The following ANO10 variants were observed in gnomAD, a reference collection of about 807,000 sequenced individuals.
ANO10 encodes the protein anoctamin 10.
ANO10 carries 77 observed loss-of-function variants against 74.7 expected under a neutral mutation model. The observed-to-expected ratio is 1.03, with a 90% CI of 0.86 to 1.25. The LOEUF is 1.25. Ranked by LOEUF, ANO10 falls within the 50% of genes most tolerant of loss-of-function variation. ANO10 has a pLI of 0.00. For missense variants in ANO10, 721 were observed against 778.1 expected (o/e 0.93, Z 0.87); for synonymous variants, 279 against 284.9 (o/e 0.98, Z 0.21).
At chr3:43,458,285 C>T (rs182702230) in intron 11 of ANO10, among the ~76,000 whole-genome samples, 28 of 152,254 alleles carry the variant, frequency 1.8e-4, no homozygotes, top group Admixed American at 3.9e-4. Flanking sequence ...TAGCACCCCA[C>T]AGATGAATCT....
At chr3:43,463,044 C>T (rs771370327) in intron 11 of ANO10, among the ~76,000 whole-genome samples, 28 of 152,122 alleles carry the variant, frequency 1.8e-4, no homozygotes, top group Non-Finnish European at 3.2e-4. Flanking sequence ...GCTGCAGGGG[C>T]GGGGCTCTCA....
At chr3:43,495,954 G>T (rs1287445520) in intron 11 of ANO10, among the ~76,000 whole-genome samples, 1 of 152,030 alleles carries the variant, frequency 6.6e-6, no homozygotes, top group Non-Finnish European at 1.5e-5. Flanking sequence ...GACCACCTTG[G>T]CCTCCCAAAG....
intron 12 of ANO10, among the ~76,000 whole-genome samples, chr3:43,399,849 C>T (rs531829059): frequency 6.6e-6 from 1 of 152,102 alleles, no homozygotes; most frequent in Admixed American, 6.6e-5. Flanking sequence ...CATGGAAGTC[C>T]AGAATAACTT....
intron 12 of ANO10, among the ~76,000 whole-genome samples, chr3:43,414,966 GCTTT>G (rs1386109967): frequency 5.7e-5 from 5 of 87,090 alleles, no homozygotes; most frequent in African/African-American, 1.2e-4. Context: ...CTGTCATTGT[GCTTT>G]TTTTTTTTTT....
rs2083557497 is a variant in ANO10, at chr3:43,632,351, G to A, written c.-11-26488C>T. Among the ~76,000 whole-genome samples, 9 of 152,334 alleles carry A rather than the reference G, an allele frequency of 5.9e-5. No individual in the cohort carries two copies. In the South Asian group the frequency reaches 1.2e-3, roughly 21 times the overall value. ...AGACTAGAGAGAGGTAAGAGAGTGAGGTCAGAGTATTTGTTCCTTGGCTAC... is the reference window on the plus strand; with the variant it reads ...AGACTAGAGAGAGGTAAGAGAGTGAAGTCAGAGTATTTGTTCCTTGGCTAC... On this transcript the variant is annotated intron_variant, in intron 1 of 3. Transcript: ENST00000413397.
chr3:43,480,913 C>A (rs1048333670), intron 11 of ANO10, among the ~76,000 whole-genome samples: 1 of 152,102 alleles, frequency 6.6e-6, no homozygotes, highest in African/African-American at 2.4e-5. Flanking sequence ...AATCATGGCA[C>A]ACTACGTACT....
chr3:43,602,474 T>A (rs1299698298), intron 2 of ANO10, among the ~76,000 whole-genome samples: 1 of 152,154 alleles, frequency 6.6e-6, no homozygotes, highest in African/African-American at 2.4e-5. Flanking sequence ...ATAACTGAGA[T>A]ACAGGCACAC....
chr3:43,375,106 G>A (rs2091752697), intron 12 of ANO10, among the ~76,000 whole-genome samples: 1 of 150,322 alleles, frequency 6.7e-6, no homozygotes, highest in Admixed American at 6.6e-5. Flanking sequence ...GGGTGACAGA[G>A]TGAAACTCTG....
rs71616100 is a variant in ANO10, at chr3:43,535,267, CT to C, written c.1797+14452del. ...AAGTAAACCACCATACCTAGACATT[CT>C]TTTTTTTTTTTTTTTTTTTTGAAGG... On this transcript the variant is annotated intron_variant, in intron 11 of 12. Coordinates refer to ENST00000292246, the MANE Select transcript of ANO10 (RefSeq NM_018075.5). Among the ~76,000 whole-genome samples, 1,048 of 107,874 alleles carry C rather than the reference CT, an allele frequency of 9.7e-3. 3 individuals are homozygous for C. Among genetic ancestry groups the C allele is most frequent in the African/African-American group, 0.028 (777 of 28,064 alleles). The allele number at this position is 107,874 out of a possible 152,430, so 70.8% of individuals were successfully genotyped here.
At chr3:43,607,360 C>CA (rs1228442504) in intron 1 of ANO10, among the ~76,000 whole-genome samples, 67 of 143,992 alleles carry the variant, frequency 4.7e-4, no homozygotes, top group East Asian at 2.6e-3. Flanking sequence ...AACAAACAAA[C>CA]AAAAAAAAAA....
chr3:43,599,319 T>C (rs1218091359), intron 3 of ANO10, among the ~76,000 whole-genome samples: 1 of 152,130 alleles, frequency 6.6e-6, no homozygotes, highest in Non-Finnish European at 1.5e-5. Context: ...CAAGCTCCCA[T>C]CCTGTTATCA....
At chr3:43,691,234 C>T (rs923475376) in intron 1 of ANO10, 17 of 469,502 alleles carry the variant, frequency 3.6e-5, no homozygotes, top group African/African-American at 3.2e-4. Flanking sequence ...GAGAGGCTCC[C>T]CTCAGCGTCG....
At chr3:43,479,743 A>G (rs1259313468) in intron 11 of ANO10, among the ~76,000 whole-genome samples, 1 of 152,214 alleles carries the variant, frequency 6.6e-6, no homozygotes. Context: ...ATAAAATGAT[A>G]GCCCACAGTG....
At chr3:43,440,281 CAAG>C (rs1304669256) in intron 11 of ANO10, among the ~76,000 whole-genome samples, 6 of 151,782 alleles carry the variant, frequency 4.0e-5, no homozygotes, top group Admixed American at 2.0e-4. Flanking sequence ...AAAAAACCAA[CAAG>C]AAGAAGATCC....
rs56213626 is a variant in ANO10 at position 43,428,796 on chromosome 3, C to CAAAAAA, written c.1914+3809_1914+3814dup. Among the ~76,000 whole-genome samples the CAAAAAA allele has an allele frequency of 5.1e-3, 284 of 55,414 alleles. 57 individuals carry two copies. The highest frequency in any genetic ancestry group is 6.0e-3 in the African/African-American group (89 of 14,854). 36.4% of individuals were successfully genotyped at this position (55,414 alleles called of 152,430 possible). ...CCAAAATCCTGAAACTTTGTGAATG[C>CAAAAAA]AAAAAAAAAAAAAAAAAAAAAAGTC... On this transcript the variant is annotated intron_variant, in intron 12 of 12. Transcript: ENST00000292246.
At chr3:43,474,340 C>T (rs147467673) in intron 11 of ANO10, among the ~76,000 whole-genome samples, 1,789 of 151,296 alleles carry the variant, frequency 0.012, 18 homozygotes, top group Non-Finnish European at 0.016. Flanking sequence ...TTTTCCAAGT[C>T]GATAAAACAT....
chr3:43,549,197 G>A (rs765274506), intron 11 of ANO10, among the ~76,000 whole-genome samples: 105 of 151,848 alleles, frequency 6.9e-4, no homozygotes, highest in Admixed American at 2.3e-3. Flanking sequence ...TGAACTCTAG[G>A]GCTCAGTCAA....
intron 12 of ANO10, among the ~76,000 whole-genome samples, chr3:43,370,197 G>A (rs755118987): frequency 3.9e-5 from 6 of 152,220 alleles, no homozygotes; most frequent in Non-Finnish European, 7.3e-5. Flanking sequence ...TGGCAGAAGT[G>A]ATGTCAGGAT....
intron 11 of ANO10, among the ~76,000 whole-genome samples, chr3:43,442,377 T>C (rs1427140187): frequency 6.6e-6 from 1 of 152,068 alleles, no homozygotes; most frequent in Non-Finnish European, 1.5e-5. Context: ...TACATTTCTA[T>C]ATACTAACAA....
Sources: allele counts gnomAD v4.1 joint callset (sites outside exome capture counted in the v4.1 genomes callset), GRCh38; gene constraint gnomAD v4.1.1; transcripts MANE v1.5; gene names NCBI Gene and HGNC (gene_info 2026-07-23, HGNC 2026-07-21).